RRM2: variants seen among roughly 807,000 people sequenced by gnomAD.
RRM2 encodes ribonucleotide reductase regulatory subunit M2, also known as ribonucleoside-diphosphate reductase subunit M2.
A neutral mutation model predicts 45.9 loss-of-function variants in RRM2; 6 were observed. That is an observed-to-expected ratio of 0.13 (90% CI 0.07 to 0.26). The LOEUF is 0.26. RRM2 is among the 10% of genes least tolerant of loss of function. The pLI is 1.00. For missense variants in RRM2, 343 were observed against 489.5 expected, an observed-to-expected ratio of 0.70 and a Z score of 2.82; for synonymous variants, 177 against 173.0, an observed-to-expected ratio of 1.02 and a Z score of -0.18.
At chr2:10,192,958 G>T (rs1411673005) in intron 3 of RRM2, among the ~76,000 whole-genome samples, 1 of 152,166 alleles carries the variant, frequency 6.6e-6, no homozygotes, top group South Asian at 2.1e-4. Context: ...CAGTCTCCTG[G>T]GCTCAGGGTC....
In RRM2 at chr2:10,190,734, G is replaced by T. The variant is rs111451281; in HGVS notation, n.483-19577G>T. On this transcript the variant is annotated intron_variant and non_coding_transcript_variant, in intron 3 of 3. Transcript: ENST00000381786. ...AATGCTGAGAGTGATGATCTTGGCG[G>T]TGATGGTGGTGATGTTGGCGATGAT... Among the ~76,000 whole-genome samples, 6 of 131,314 alleles carry T rather than the reference G, an allele frequency of 4.6e-5. 2 individuals are homozygous for T. The highest frequency in any genetic ancestry group is 1.7e-5 in the Non-Finnish European group (1 of 59,660). 86.1% of individuals were successfully genotyped at this position (131,314 alleles called of 152,430 possible).
intron 4 of RRM2, chr2:10,124,093 C>A: frequency 2.1e-6 from 1 of 474,054 alleles, no homozygotes. Flanking sequence ...TTTGTGGCCA[C>A]CACATCTGCC....
Position 10,143,659 on chromosome 2 carries a change from C to T in RRM2, n.482+1284C>T, listed in dbSNP as rs913568994. ...CAGAGTGGGAGTCATCAGTGGGGCTCGCTACCTCTGCACAATTTTTTTTTT... is the reference window on the plus strand; with the variant it reads ...CAGAGTGGGAGTCATCAGTGGGGCTTGCTACCTCTGCACAATTTTTTTTTT... On this transcript the variant is annotated intron_variant and non_coding_transcript_variant, in intron 3 of 3. Transcript: ENST00000381786. Among the ~76,000 whole-genome samples, 5 of 152,228 alleles carry T rather than the reference C, an allele frequency of 3.3e-5. 1 individual carries two copies. Among genetic ancestry groups the T allele is most frequent in the South Asian group, 4.1e-4 (2 of 4,826 alleles).
intron 3 of RRM2, among the ~76,000 whole-genome samples, chr2:10,191,234 G>C (rs1291244397): frequency 6.6e-6 from 1 of 152,220 alleles, no homozygotes; most frequent in Non-Finnish European, 1.5e-5. Context: ...TTGGCTGTCA[G>C]GGGAGCAGAG....
chr2:10,149,980 C>T (rs1039907244), intron 3 of RRM2, among the ~76,000 whole-genome samples: 35 of 152,208 alleles, frequency 2.3e-4, no homozygotes, highest in Admixed American at 2.0e-4. Context: ...CCCTCTGACT[C>T]GTTTCTAGTT....
rs1433493933 is a variant in RRM2 at position 10,210,562 on chromosome 2, G to A, written n.734G>A. ...CTCCACACAGGCCTGCGGAGCAGGT[G>A]GACCCACCATTCTCAGACCCCCCAG... is the stretch of plus-strand genomic sequence containing the variant. On this transcript the variant is annotated non_coding_transcript_exon_variant, in exon 4 of 4. Coordinates refer to the RRM2 transcript ENST00000381786. 7 of 1,366,336 alleles carry A rather than the reference G, an allele frequency of 5.1e-6. No homozygotes were observed. The East Asian group carries it at 3.2e-4, about 62-fold the overall frequency. The allele number at this position is 1,366,336 out of a possible 1,614,324, so 84.6% of individuals were successfully genotyped here.
chr2:10,137,338 A>G (rs972809685), upstream of RRM2, among the ~76,000 whole-genome samples: 2 of 152,244 alleles, frequency 1.3e-5, no homozygotes, highest in Non-Finnish European at 2.9e-5. Flanking sequence ...GGTCCGCCCA[A>G]GGAATGGCTC....
intron 1 of RRM2, chr2:10,141,814 A>G (rs370860082): frequency 7.1e-6 from 11 of 1,550,764 alleles, no homozygotes; most frequent in East Asian, 4.9e-5. Flanking sequence ...CGGTTGCTCC[A>G]GCATGCAGTC....
intron 3 of RRM2, among the ~76,000 whole-genome samples, chr2:10,197,469 C>T (rs1664440460): frequency 6.6e-6 from 1 of 152,164 alleles, no homozygotes; most frequent in South Asian, 2.1e-4. Context: ...CCAGGCAGCA[C>T]TGGGAAGCAG....
intron 3 of RRM2, among the ~76,000 whole-genome samples, chr2:10,206,379 G>A (rs2125335450): frequency 6.6e-6 from 1 of 152,100 alleles, no homozygotes; most frequent in South Asian, 2.1e-4. Flanking sequence ...CATAATAGTT[G>A]TATTCACCAT....
intron 3 of RRM2, among the ~76,000 whole-genome samples, chr2:10,147,561 G>A (rs1421521988): frequency 1.3e-5 from 2 of 152,158 alleles, no homozygotes; most frequent in African/African-American, 2.4e-5. Context: ...ACCACGCCCG[G>A]CTAGAGATAA....
At chr2:10,196,930 G>T (rs1313064307) in intron 3 of RRM2, among the ~76,000 whole-genome samples, 1 of 152,174 alleles carries the variant, frequency 6.6e-6, no homozygotes, top group African/African-American at 2.4e-5. Context: ...CTCCTCAGCA[G>T]CACCTCCCTC....
At chr2:10,200,618 C>T (rs1186088383) in intron 3 of RRM2, among the ~76,000 whole-genome samples, 2 of 79,428 alleles carry the variant, frequency 2.5e-5, no homozygotes, top group Non-Finnish European at 5.6e-5. Context: ...ACAGGGACCG[C>T]GCGCGCAAAA....
chr2:10,144,229 TG>T, intron 3 of RRM2, among the ~76,000 whole-genome samples: 1 of 151,428 alleles, frequency 6.6e-6, no homozygotes. Flanking sequence ...GGACGGGGAG[TG>T]GGAGGAGGTG....
rs78749283 is a variant in RRM2 at position 10,200,404 on chromosome 2, G to A, written n.483-9907G>A. Among the ~76,000 whole-genome samples the A allele has an allele frequency of 8.5e-3, 1,104 of 129,764 alleles. 7 individuals carry two copies. The highest frequency in any genetic ancestry group is 0.02 in the East Asian group (77 of 3,774). The allele number at this position is 129,764 out of a possible 152,430, so 85.1% of individuals were successfully genotyped here. ...TCAGAAACCTGCACAGGGACTGCGC[G>A]CACAAAATATGAGGCCCACAGGGAC... On this transcript the variant is annotated intron_variant and non_coding_transcript_variant, in intron 3 of 3. Coordinates refer to the RRM2 transcript ENST00000381786.
Position 10,123,780 on chromosome 2 carries a change from C to T in RRM2, c.363C>T (p.Pro121=), listed in dbSNP as rs775888282. Residue 121 remains proline (P), a synonymous_variant, in exon 4 of 10, where the codon CCC becomes CCT. Transcript: ENST00000304567. ...KDIQHWESLK[P]EERYFISHVL... is the part of the protein sequence containing the mutation. ...TTCAGCACTGGGAATCCCTGAAACC[C>T]GAGGAGAGATATTTTATATCCCATG... The T allele has an allele frequency of 1.9e-6, 3 of 1,612,758 alleles. No individual in the cohort carries two copies. The highest frequency in any genetic ancestry group is 2.5e-6 in the Non-Finnish European group (3 of 1,178,794).
intron 3 of RRM2, among the ~76,000 whole-genome samples, chr2:10,142,603 G>A (rs1663108060): frequency 6.6e-6 from 1 of 151,736 alleles, no homozygotes; most frequent in East Asian, 2.0e-4. Context: ...ACGGTCCTGC[G>A]ATCCCCCTCC....
At chr2:10,201,994 G>A (rs532139731) in intron 3 of RRM2, among the ~76,000 whole-genome samples, 1 of 152,218 alleles carries the variant, frequency 6.6e-6, no homozygotes, top group South Asian at 2.1e-4. Context: ...TGACCACAAG[G>A]TAAGATTTTT....
chr2:10,142,128 C>CT (rs1171839399), intron 2 of RRM2: 1 of 1,559,262 alleles, frequency 6.4e-7, no homozygotes, highest in Non-Finnish European at 8.7e-7. Flanking sequence ...CGCAAAGGCC[C>CT]TGTGGCAGGC....
Sources: gnomAD v4.1 joint callset for allele counts (sites outside exome capture counted in the v4.1 genomes callset) on GRCh38, gnomAD v4.1.1 for gene constraint, MANE v1.5 for transcripts, NCBI Gene and HGNC (gene_info 2026-07-23, HGNC 2026-07-21) for gene names.